Variants in PLA2G2D observed in about 807,000 individuals in gnomAD.
PLA2G2D encodes the protein phospholipase A2 group IID.
A neutral mutation model predicts 13.9 loss-of-function variants in PLA2G2D; 17 were observed. That is an observed-to-expected ratio of 1.23 (90% confidence interval 0.84 to 1.84). The LOEUF (loss-of-function observed/expected upper bound fraction) is 1.84, where lower values mean the gene tolerates loss of function less well. Ranked by LOEUF, PLA2G2D falls within the 40% of genes most tolerant of loss-of-function variation. The probability of loss-of-function intolerance (pLI) is 0.00; values close to 1 mark genes in which losing one functional copy is unlikely to be tolerated. For missense variants in PLA2G2D, 194 were observed against 178.7 expected, an observed-to-expected ratio of 1.09 and a Z score of -0.49; for synonymous variants, 83 against 69.3, an observed-to-expected ratio of 1.20 and a Z score of -0.98.
rs2017049800 is a variant in PLA2G2D, at chr1:20,119,459, C to G, written c.40G>C (p.Gly14Arg). 3 of 1,613,508 alleles carry G rather than the reference C, an allele frequency of 1.9e-6. No individual in the cohort carries two copies. Among genetic ancestry groups the G allele is most frequent in the Non-Finnish European group, 2.5e-6 (3 of 1,179,542 alleles). The change falls in exon 1 of 4, where the codon GGT becomes CGT. Residue 14 changes from glycine to arginine, a missense_variant and splice_region_variant. Physicochemically the swap from Gly to Arg is moderately radical, Grantham distance 125. Coordinates refer to ENST00000375105, the MANE Select transcript of PLA2G2D (RefSeq NM_012400.4). Reference sequence around the variant, plus strand: ...AGCCTGGGTCCCGTCCCCGACTCACCAGCCATCACCACCAGCCCACACAGC... The same window carrying G: ...AGCCTGGGTCCCGTCCCCGACTCACGAGCCATCACCACCAGCCCACACAGC... ...ALLCGLVVMA[G>R]VIPIQGGILN...
At chr1:20,118,134 C>T (rs911394018) in intron 1 of PLA2G2D, among the ~76,000 whole-genome samples, 3 of 152,152 alleles carry the variant, frequency 2.0e-5, no homozygotes, top group East Asian at 3.8e-4. Flanking sequence ...CAACTGCAAA[C>T]GGAGAGTCCA....
chr1:20,117,878 A>C (rs2017022178), intron 1 of PLA2G2D, among the ~76,000 whole-genome samples: 1 of 152,160 alleles, frequency 6.6e-6, no homozygotes, highest in Non-Finnish European at 1.5e-5. Flanking sequence ...GCAGTGGACA[A>C]AGAGTGAGAC....
intron 2 of PLA2G2D, among the ~76,000 whole-genome samples, chr1:20,115,920 C>A (rs1399337925): frequency 6.6e-6 from 1 of 152,216 alleles, no homozygotes; most frequent in African/African-American, 2.4e-5. Context: ...CAAGGTCACA[C>A]AGCCTGTAAG....
Position 20,114,021 on chromosome 1 carries a change from G to T in PLA2G2D, c.*93C>A. The T allele has an allele frequency of 8.4e-7, 1 of 1,195,838 alleles. No homozygotes were observed. The highest frequency in any genetic ancestry group is 1.4e-5 in the South Asian group (1 of 69,578). 74.1% of individuals were successfully genotyped at this position (1,195,838 alleles called of 1,614,324 possible). On this transcript the variant is annotated 3_prime_UTR_variant, in exon 4 of 4. Transcript: ENST00000375105. ...GGGGAGGCTGGGACTACCTCCCCCC[G>T]GAGTGTTTGAAAAGCCAGGCTGGTT...
chr1:20,115,944 C>T (rs1215836416), intron 2 of PLA2G2D, among the ~76,000 whole-genome samples: 1 of 152,178 alleles, frequency 6.6e-6, no homozygotes, highest in African/African-American at 2.4e-5. Context: ...CAGATCGTGG[C>T]AGTGTCCCCA....
intron 3 of PLA2G2D, 90 bp downstream of exon 3, chr1:20,115,417 A>C: frequency 1.3e-5 from 10 of 774,518 alleles, no homozygotes; most frequent in Admixed American, 4.0e-5. Context: ...AAAAAAACAG[A>C]GAGGTCAAGT....
intron 3 of PLA2G2D, among the ~76,000 whole-genome samples, chr1:20,115,229 G>A (rs2016960090): frequency 6.6e-6 from 1 of 152,182 alleles, no homozygotes; most frequent in Non-Finnish European, 1.5e-5. Context: ...TAATGGGGTA[G>A]ATTACAGATG....
Position 20,114,153 on chromosome 1 carries a change from G to A in PLA2G2D, c.399C>T (p.Tyr133=), listed in dbSNP as rs778685586. The A allele has an allele frequency of 3.7e-6, 6 of 1,613,806 alleles. No homozygotes were observed. Among genetic ancestry groups the A allele is most frequent in the Non-Finnish European group, 5.1e-6 (6 of 1,179,996 alleles). The change falls in exon 4 of 4, where the codon TAC becomes TAT. Residue 133 remains tyrosine, a synonymous_variant. Transcript: ENST00000375105. ...LDTYQKRLRF[Y]WRPHCRGQTP... ...TCTGCCCCCGGCAGTGGGGCCGCCA[G>A]TAGAAACGCAGTCGCTTCTGGTAGG...
chr1:20,119,521 G>A lies in PLA2G2D; in HGVS notation c.-23C>T, dbSNP rs2017052182. 1 of 1,612,576 alleles carries A rather than the reference G, an allele frequency of 6.2e-7. No individual in the cohort carries two copies. Among genetic ancestry groups the A allele is most frequent in the Non-Finnish European group, 8.5e-7 (1 of 1,178,766 alleles). On this transcript the variant is annotated 5_prime_UTR_variant, in exon 1 of 4. Transcript: ENST00000375105. ...CATGATCCCAGCACAGAGCAGTGGA[G>A]GCAGATGCTGGCAGTCCCTTTCCAT...
chr1:20,118,005 C>A (rs992710630), intron 1 of PLA2G2D, among the ~76,000 whole-genome samples: 9 of 152,252 alleles, frequency 5.9e-5, no homozygotes, highest in African/African-American at 2.2e-4. Context: ...GTGCCTCTAG[C>A]TGTTAAGACA....
chr1:20,115,509 C>A lies in PLA2G2D; in HGVS notation c.290G>T (p.Cys97Phe). ...TGCCCTGAGGTCTGCGTACTCACAG[C>A]AGTGGATGTTCCCCTGGGAAAAGTT... ...RYNFSQGNIH[C>F]SDKGSWCEQQ... The change falls in exon 3 of 4, where the codon TGC becomes TTC. Residue 97 changes from cysteine (C) to phenylalanine (F), a missense_variant and splice_region_variant. Coordinates refer to ENST00000375105, the MANE Select transcript of PLA2G2D (RefSeq NM_012400.4). The A allele has an allele frequency of 6.4e-7, 1 of 1,563,242 alleles. No homozygotes were observed. The highest frequency in any genetic ancestry group is 8.8e-7 in the Non-Finnish European group (1 of 1,134,358).
chr1:20,112,529 G>A lies in PLA2G2D; in HGVS notation c.*1585C>T, dbSNP rs1364918523. The A allele has an allele frequency of 6.6e-6, 1 of 152,114 alleles. No homozygotes were observed. Among genetic ancestry groups the A allele is most frequent in the East Asian group, 1.9e-4 (1 of 5,162 alleles). 9.4% of individuals were successfully genotyped at this position (152,114 alleles called of 1,614,324 possible). On this transcript the variant is annotated 3_prime_UTR_variant, in exon 4 of 4. Coordinates refer to ENST00000375105, the MANE Select transcript of PLA2G2D (RefSeq NM_012400.4). ...CAGGCCCAGAGTGTGGGTGACTGCAGGTGCCTCAGCCCCCTGGCTGGAAAC... is the reference window on the plus strand; with the variant it reads ...CAGGCCCAGAGTGTGGGTGACTGCAAGTGCCTCAGCCCCCTGGCTGGAAAC...
rs749518077 is a variant in PLA2G2D, at chr1:20,119,466, C to G, written c.33G>C (p.Val11=). ...GTCCCGTCCCCGACTCACCAGCCAT[C>G]ACCACCAGCCCACACAGCAGTGCAA... MELALLCGLV[V]MAGVIPIQGG... is the part of the protein sequence containing the mutation. The change falls in exon 1 of 4, where the codon GTG becomes GTC. Residue 11 remains valine (V), a synonymous_variant. Transcript: ENST00000375105. 11 of 1,613,700 alleles carry G rather than the reference C, an allele frequency of 6.8e-6. No homozygotes were observed. The highest frequency in any genetic ancestry group is 9.3e-6 in the Non-Finnish European group (11 of 1,179,790).
Position 20,113,818 on chromosome 1 carries a change from G to T in PLA2G2D, c.*296C>A. 2.9e-6 allele frequency: 1 copy of T among 339,794 alleles called. No individual in the cohort carries two copies. The highest frequency in any genetic ancestry group is 5.4e-6 in the Non-Finnish European group (1 of 186,200). 21.0% of individuals were successfully genotyped at this position (339,794 alleles called of 1,614,324 possible). ...GAAGGACAAGGGGGCCAGCAGGTGG[G>T]GGACAGCGGCAGACCCCTCCCCCAC... On this transcript the variant is annotated 3_prime_UTR_variant, in exon 4 of 4. Transcript: ENST00000375105.
In PLA2G2D at chr1:20,114,190, C is replaced by T. The variant is rs62541901; in HGVS notation, c.362G>A (p.Arg121His). ...TCGCTTCTGGTAGGTGTCCAGGTTG[C>T]GCTTCAGGCAGAAGGCCACCTCCTT... ...CDKEVAFCLK[R>H]NLDTYQKRLR... Residue 121 changes from arginine to histidine, a missense_variant, in exon 4 of 4, where the codon CGC (arginine) becomes CAC (histidine). Physicochemically the swap from Arg to His is conservative, Grantham distance 29. Coordinates refer to ENST00000375105, the MANE Select transcript of PLA2G2D (RefSeq NM_012400.4). The T allele has an allele frequency of 3.4e-5, 55 of 1,613,862 alleles. No individual in the cohort carries two copies. Among genetic ancestry groups the T allele is most frequent in the South Asian group, 1.2e-4 (11 of 91,084 alleles).
chr1:20,114,656 G>T (rs1172443646), intron 3 of PLA2G2D, among the ~76,000 whole-genome samples: 1 of 152,132 alleles, frequency 6.6e-6, no homozygotes, highest in Admixed American at 6.5e-5. Context: ...GATCGGAAGG[G>T]TCTGCTCTTC....
intron 1 of PLA2G2D, among the ~76,000 whole-genome samples, chr1:20,117,721 G>A (rs1476675871): frequency 2.0e-5 from 3 of 152,116 alleles, no homozygotes; most frequent in Non-Finnish European, 4.4e-5. Flanking sequence ...CAGAGTCTCA[G>A]GGAGACTGGG....
intron 1 of PLA2G2D, among the ~76,000 whole-genome samples, chr1:20,117,839 G>T (rs1435489309): frequency 6.6e-6 from 1 of 152,134 alleles, no homozygotes; most frequent in Non-Finnish European, 1.5e-5. Flanking sequence ...GGACCGTTGG[G>T]CTGGGAAGGG....
Position 20,113,994 on chromosome 1 carries a change from C to T in PLA2G2D, c.*120G>A, listed in dbSNP as rs2016933475. The stretch of plus-strand genomic sequence containing the variant: ...GTCAGAAGGCATTGGTAGAGGGTTC[C>T]GGGGGAGGCTGGGACTACCTCCCCC... On this transcript the variant is annotated 3_prime_UTR_variant, in exon 4 of 4. Transcript: ENST00000375105. 1.2e-6 allele frequency: 1 copy of T among 844,916 alleles called. No individual in the cohort carries two copies. Among genetic ancestry groups the T allele is most frequent in the South Asian group, 1.8e-5 (1 of 56,016 alleles). 52.3% of individuals were successfully genotyped at this position (844,916 alleles called of 1,614,324 possible). A position where few individuals can be genotyped will look rare whatever the true frequency, so the allele number is the denominator to read the frequency against.
Sources: allele counts gnomAD v4.1 joint callset (sites outside exome capture counted in the v4.1 genomes callset), GRCh38; gene constraint gnomAD v4.1.1; transcripts MANE v1.5; gene names NCBI Gene and HGNC (gene_info 2026-07-23, HGNC 2026-07-21).